The following UGGT2 variants were observed in gnomAD, a reference collection of about 807,000 sequenced individuals.
The protein encoded by UGGT2 is UDP-glucose:glycoprotein glucosyltransferase 2.
Under a neutral mutation model 192.1 loss-of-function variants are expected in UGGT2, and 180 were observed. The observed-to-expected ratio is 0.94, with a 90% confidence interval of 0.83 to 1.06. The LOEUF (loss-of-function observed/expected upper bound fraction) is 1.06, where lower values mean the gene tolerates loss of function less well. Among genes scored for constraint, UGGT2 ranks in the 50% least tolerant of loss-of-function variants. The pLI is 0.00. For synonymous variants in UGGT2, 580 were observed against 591.0 expected (o/e 0.98, Z 0.27); for missense variants, 1,849 against 1,795.7 (o/e 1.03, Z -0.54).
intron 20 of UGGT2, among the ~76,000 whole-genome samples, chr13:95,918,840 C>T (rs73558676): frequency 0.022 from 3,271 of 152,016 alleles, 114 homozygotes; most frequent in African/African-American, 0.075. Flanking sequence ...TTCCACAAAA[C>T]TGAAGAGGGA....
intron 12 of UGGT2, among the ~76,000 whole-genome samples, chr13:95,955,006 C>G (rs1359222124): frequency 6.6e-6 from 1 of 152,094 alleles, no homozygotes. Context: ...TGTCTATGCC[C>G]GATGTCTTAC....
chr13:95,987,001 GT>G (rs2051309544), intron 8 of UGGT2, among the ~76,000 whole-genome samples: 2 of 152,080 alleles, frequency 1.3e-5, no homozygotes, highest in African/African-American at 4.8e-5. Flanking sequence ...ATTCATCTTA[GT>G]ATTATTACTT....
intron 27 of UGGT2, among the ~76,000 whole-genome samples, chr13:95,878,482 T>A (rs1373932855): frequency 6.6e-6 from 1 of 152,162 alleles, no homozygotes; most frequent in Non-Finnish European, 1.5e-5. Flanking sequence ...TCTAAGAACA[T>A]GTCTCTGTCT....
chr13:95,830,833 G>C (rs1886597527), intron 38 of UGGT2, among the ~76,000 whole-genome samples: 1 of 152,196 alleles, frequency 6.6e-6, no homozygotes, highest in East Asian at 1.9e-4. Flanking sequence ...GCACACATAT[G>C]TTTATTGCGG....
At chr13:95,995,670 T>C (rs1390485627) in intron 7 of UGGT2, among the ~76,000 whole-genome samples, 1 of 152,000 alleles carries the variant, frequency 6.6e-6, no homozygotes, top group Non-Finnish European at 1.5e-5. Context: ...TATGGGACTG[T>C]TTCAATAAAT....
At chr13:96,040,292 C>G (rs1225448080) in intron 1 of UGGT2, among the ~76,000 whole-genome samples, 4 of 152,166 alleles carry the variant, frequency 2.6e-5, no homozygotes, top group Admixed American at 1.3e-4. Context: ...TCTGAAGGCT[C>G]TAAGGGAGAC....
chr13:95,920,532 C>T (rs1411553763), intron 20 of UGGT2, among the ~76,000 whole-genome samples: 1 of 151,992 alleles, frequency 6.6e-6, no homozygotes, highest in Non-Finnish European at 1.5e-5. Context: ...GGACAAAGTA[C>T]ATAAACAGAC....
At chr13:95,821,284 T>TG (rs1382667488) in intron 38 of UGGT2, among the ~76,000 whole-genome samples, 3 of 152,164 alleles carry the variant, frequency 2.0e-5, no homozygotes, top group African/African-American at 7.2e-5. Context: ...TGGCCATTCT[T>TG]GCAGGAGTAA....
intron 26 of UGGT2, among the ~76,000 whole-genome samples, chr13:95,887,597 C>T (rs1030741246): frequency 6.6e-6 from 1 of 152,034 alleles, no homozygotes; most frequent in African/African-American, 2.4e-5. Flanking sequence ...CCTTATTTCC[C>T]ATTGATGTAT....
chr13:95,856,751 G>C, intron 33 of UGGT2: 1 of 332,208 alleles, frequency 3.0e-6, no homozygotes, highest in Non-Finnish European at 5.7e-6. Context: ...TAAAGATGAA[G>C]AGAGGATACA....
At chr13:95,866,570 G>A (rs370737840) in intron 30 of UGGT2, among the ~76,000 whole-genome samples, 3 of 152,200 alleles carry the variant, frequency 2.0e-5, no homozygotes, top group South Asian at 4.2e-4. Flanking sequence ...ACACAAATTT[G>A]GGCTAAAAGA....
chr13:96,019,452 G>C (rs1411056923), intron 4 of UGGT2, among the ~76,000 whole-genome samples: 1 of 152,082 alleles, frequency 6.6e-6, no homozygotes, highest in South Asian at 2.1e-4. Context: ...CTTTGTCCCA[G>C]GGAGAAACAC....
intron 5 of UGGT2, among the ~76,000 whole-genome samples, chr13:96,010,105 C>G: frequency 6.6e-6 from 1 of 152,110 alleles, no homozygotes; most frequent in East Asian, 1.9e-4. Context: ...TGAAATAGAA[C>G]TACCATTTGA....
chr13:96,046,854 C>A (rs1209874892), intron 1 of UGGT2, among the ~76,000 whole-genome samples: 2 of 152,206 alleles, frequency 1.3e-5, no homozygotes, highest in Non-Finnish European at 2.9e-5. Context: ...CCCATGTCCA[C>A]GGAGCCTCCC....
At chr13:95,956,465 C>CA (rs1182781191) in intron 12 of UGGT2, among the ~76,000 whole-genome samples, 1 of 152,074 alleles carries the variant, frequency 6.6e-6, no homozygotes, top group Non-Finnish European at 1.5e-5. Context: ...TACAACTCAA[C>CA]AAAAAACAAA....
chr13:95,832,638 A>T (rs1886833517), intron 38 of UGGT2: 3 of 452,146 alleles, frequency 6.6e-6, no homozygotes, highest in South Asian at 5.2e-5. Context: ...AAAGACAAAC[A>T]CTCCTTTTAC....
Position 95,890,788 on chromosome 13 carries a change from T to A in UGGT2, c.2958+74A>T. 2.7e-6 allele frequency: 3 copies of A among 1,130,804 alleles called. No individual in the cohort carries two copies. The South Asian group carries it at 4.1e-5, about 15-fold the overall frequency. The allele number at this position is 1,130,804 out of a possible 1,614,324, so 70.0% of individuals were successfully genotyped here. On this transcript the variant is annotated intron_variant, in intron 25 of 38. Coordinates refer to ENST00000376747, the MANE Select transcript of UGGT2 (RefSeq NM_020121.4). ...AGGATCAAGAGCATAAACAGCTGAT[T>A]ATATTTGAAAACAGACTTGAAAAAA...
intron 5 of UGGT2, among the ~76,000 whole-genome samples, chr13:96,009,686 T>C (rs2052093987): frequency 6.6e-6 from 1 of 152,148 alleles, no homozygotes; most frequent in Non-Finnish European, 1.5e-5. Flanking sequence ...TGGATGCCTG[T>C]AATCCCAGCT....
At chr13:95,942,226 GTGTGTGTGTGT>G (rs2049712429) in intron 15 of UGGT2, among the ~76,000 whole-genome samples, 1 of 17,910 alleles carries the variant, frequency 5.6e-5, no homozygotes, top group Non-Finnish European at 1.7e-4. Context: ...GTGAGGGTGT[GTGTGTGTGTGT>G]GTGTGTGTGT....
Sources: allele counts gnomAD v4.1 joint callset (sites outside exome capture counted in the v4.1 genomes callset), GRCh38; gene constraint gnomAD v4.1.1; transcripts MANE v1.5; gene names NCBI Gene and HGNC (gene_info 2026-07-23, HGNC 2026-07-21).